Variants in POMGNT1 observed in about 807,000 individuals in gnomAD.
The protein encoded by POMGNT1 is protein O-linked mannose N-acetylglucosaminyltransferase 1 (beta 1,2-), also known as protein O-linked-mannose beta-1,2-N-acetylglucosaminyltransferase 1.
A neutral mutation model predicts 95.6 loss-of-function variants in POMGNT1; 67 were observed. The observed-to-expected ratio is 0.70, with a 90% confidence interval of 0.58 to 0.86. The LOEUF (loss-of-function observed/expected upper bound fraction) is 0.86, where lower values mean the gene tolerates loss of function less well. POMGNT1 is among the 40% of genes least tolerant of loss of function. The pLI is 0.00. For synonymous variants in POMGNT1, 298 were observed against 317.9 expected, an observed-to-expected ratio of 0.94 and a Z score of 0.66; for missense variants, 719 against 855.2, an observed-to-expected ratio of 0.84 and a Z score of 1.99.
chr1:46,200,441 C>T (rs1486550066), upstream of POMGNT1, among the ~76,000 whole-genome samples: 1 of 152,188 alleles, frequency 6.6e-6, no homozygotes, highest in Non-Finnish European at 1.5e-5. Context: ...TGTGGGTTCC[C>T]CTCCTCAGTG....
intron 1 of POMGNT1, among the ~76,000 whole-genome samples, chr1:46,217,972 A>G (rs1344133468): frequency 6.6e-6 from 1 of 152,230 alleles, no homozygotes; most frequent in Non-Finnish European, 1.5e-5. Flanking sequence ...ATTAGGAGGT[A>G]AATACCAAAA....
At chr1:46,201,697 C>CAAAAAAAAAAAAAAAAAAAAA (rs59930051), upstream of POMGNT1, among the ~76,000 whole-genome samples, 4 of 85,954 alleles carry the variant, frequency 4.7e-5, no homozygotes, top group Non-Finnish European at 7.0e-5. Context: ...GACTCCATCT[C>CAAAAAAAAAAAAAAAAAAAAA]AAAAAAAAAA....
chr1:46,196,910 T>G lies in POMGNT1; in HGVS notation c.235+60A>C. 2 of 1,614,188 alleles carry G rather than the reference T, an allele frequency of 1.2e-6. No individual in the cohort carries two copies. The highest frequency in any genetic ancestry group is 2.2e-5 in the East Asian group (1 of 44,884). On this transcript the variant is annotated intron_variant, in intron 3 of 21. Transcript: ENST00000371984. This position sits in a 1 kb window ranked among gnomAD's most constrained non-coding sequence, Gnocchi z 4.4. Reference sequence around the variant, plus strand: ...CAGCAGAGTCTCACCGCTTAGGGTCTGCCTGCCACTCCAGCTGTGAGATCC... The same window carrying G: ...CAGCAGAGTCTCACCGCTTAGGGTCGGCCTGCCACTCCAGCTGTGAGATCC...
chr1:46,192,967 G>T lies in POMGNT1; in HGVS notation c.1153-9C>A. The T allele has an allele frequency of 1.2e-6, 2 of 1,614,154 alleles. No homozygotes were observed. The highest frequency in any genetic ancestry group is 1.7e-6 in the Non-Finnish European group (2 of 1,180,024). On this transcript the variant is annotated splice_polypyrimidine_tract_variant and intron_variant, in intron 13 of 21. Coordinates refer to ENST00000371984, the MANE Select transcript of POMGNT1 (RefSeq NM_017739.4). Reference sequence around the variant, plus strand: ...ACAGCAAACTTGGCCTCCTAGAAGGGGAATGGGACATCATGGTCCCAAAGG... The same window carrying T: ...ACAGCAAACTTGGCCTCCTAGAAGGTGAATGGGACATCATGGTCCCAAAGG...
chr1:46,192,818 C>T, intron 14 of POMGNT1, 82 bp downstream of exon 14: 1 of 1,598,554 alleles, frequency 6.3e-7, no homozygotes, highest in Non-Finnish European at 8.6e-7. Context: ...CTCATGTCCT[C>T]CAGAAAGCTC....
intron 19 of POMGNT1, 32 bp from the exon 20 acceptor site, chr1:46,190,021 A>G: frequency 6.2e-7 from 1 of 1,612,260 alleles, no homozygotes; most frequent in African/African-American, 1.3e-5. Flanking sequence ...TATAGCCAAG[A>G]CAGGGCCCAC....
chr1:46,197,669 G>C, intron 2 of POMGNT1, 33 bp downstream of exon 2: 2 of 1,613,470 alleles, frequency 1.2e-6, no homozygotes, highest in Non-Finnish European at 1.7e-6. Context: ...GGGAGGGAGC[G>C]CTCGGTGGGG....
chr1:46,197,175 C>T, intron 2 of POMGNT1, 91 bp from the exon 3 acceptor site: 2 of 1,607,508 alleles, frequency 1.2e-6, no homozygotes, highest in Middle Eastern at 1.7e-4. Context: ...GCAGTGAAGA[C>T]ATCCAGAGAA....
chr1:46,213,419 G>A (rs77289453), intron 1 of POMGNT1, among the ~76,000 whole-genome samples: 5,480 of 148,498 alleles, frequency 0.037, 157 homozygotes, highest in African/African-American at 0.07. Flanking sequence ...ATATTTGCAC[G>A]GCAGTAAAAC....
In POMGNT1 at chr1:46,189,273, T is replaced by G. The variant is rs1457135444; in HGVS notation, c.1980A>C (p.Thr660=). The part of the protein sequence containing the change: ...EEGAPGAPEQ[T] ...CCGCAGGGTCCTGGAGGAGGTCTCATGTCTGTTCTGGGGCTCCTGGGGCTC... is the reference window on the plus strand; with the variant it reads ...CCGCAGGGTCCTGGAGGAGGTCTCAGGTCTGTTCTGGGGCTCCTGGGGCTC... The change falls in exon 22 of 22, where the codon ACA becomes ACC. Residue 660 remains threonine, a synonymous_variant. Coordinates refer to ENST00000371984, the MANE Select transcript of POMGNT1 (RefSeq NM_017739.4). The G allele has an allele frequency of 6.2e-7, 1 of 1,613,294 alleles. No homozygotes were observed. Among genetic ancestry groups the G allele is most frequent in the South Asian group, 1.1e-5 (1 of 91,024 alleles).
chr1:46,211,969 C>G (rs1202551540), intron 1 of POMGNT1, among the ~76,000 whole-genome samples: 2 of 152,024 alleles, frequency 1.3e-5, no homozygotes, highest in Non-Finnish European at 2.9e-5. Flanking sequence ...ACCATGTTGG[C>G]CAGGCTGGTC....
intron 1 of POMGNT1, among the ~76,000 whole-genome samples, chr1:46,209,129 A>G (rs1235924193): frequency 6.6e-6 from 1 of 152,078 alleles, no homozygotes; most frequent in Non-Finnish European, 1.5e-5. Context: ...GATTCAAGCA[A>G]TTCTCCTGCC....
intron 1 of POMGNT1, among the ~76,000 whole-genome samples, chr1:46,210,337 A>G (rs1658855081): frequency 6.6e-6 from 1 of 152,064 alleles, no homozygotes; most frequent in South Asian, 2.1e-4. Context: ...AAGACCCCAA[A>G]ATATATGAGG....
At chr1:46,201,848 G>T (rs550776645), upstream of POMGNT1, among the ~76,000 whole-genome samples, 1 of 151,544 alleles carries the variant, frequency 6.6e-6, no homozygotes, top group African/African-American at 2.4e-5. Flanking sequence ...AAATTGAGAA[G>T]TAGTGTGGCT....
chr1:46,202,594 C>A (rs1243230173), upstream of POMGNT1, among the ~76,000 whole-genome samples: 1 of 147,764 alleles, frequency 6.8e-6, no homozygotes, highest in Non-Finnish European at 1.5e-5. Flanking sequence ...ACTCAGGAGG[C>A]AGAGGCAGGA....
intron 1 of POMGNT1, 138 bp downstream of exon 1, chr1:46,198,198 T>G: frequency 4.2e-6 from 1 of 238,880 alleles, no homozygotes; most frequent in Non-Finnish European, 8.4e-6. Flanking sequence ...CGACCTCTCC[T>G]GCCCCAGTCT....
At chr1:46,199,104 G>C (rs966144593), upstream of POMGNT1, among the ~76,000 whole-genome samples, 3 of 152,110 alleles carry the variant, frequency 2.0e-5, no homozygotes, top group African/African-American at 7.2e-5. Context: ...ACCACACCCA[G>C]CTAATTTTTA....
chr1:46,192,940 C>G lies in POMGNT1; in HGVS notation c.1171G>C (p.Val391Leu). 6.2e-7 allele frequency: 1 copy of G among 1,614,244 alleles called. No individual in the cohort carries two copies. The highest frequency in any genetic ancestry group is 8.5e-7 in the Non-Finnish European group (1 of 1,180,040). ...GCAATGTCCAGGTCCTCTTCCAGAA[C>G]CACAGCAAACTTGGCCTCCTAGAAG... ...NLFPEAKFAV[V>L]LEEDLDIAVD... The change falls in exon 14 of 22, where the codon GTT becomes CTT. Residue 391 changes from valine (V) to leucine (L), a missense_variant. Val to Leu is a conservative substitution (Grantham distance 32). Transcript: ENST00000371984.
At position 46,188,888 on chromosome 1, in the gene POMGNT1, T is replaced by G. The variant is rs1657520597; in HGVS notation, c.*382A>C. 1.9e-6 allele frequency: 3 copies of G among 1,612,818 alleles called. No individual in the cohort carries two copies. Among genetic ancestry groups the G allele is most frequent in the Non-Finnish European group, 2.5e-6 (3 of 1,179,866 alleles). On this transcript the variant is annotated 3_prime_UTR_variant, in exon 22 of 22. Coordinates refer to ENST00000371984, the MANE Select transcript of POMGNT1 (RefSeq NM_017739.4). ...AGCCAGCCCCACCCTCAGGGCAGCA[T>G]TCCAGCCCAAAAAGAAATCCAGGCC...
Sources: gnomAD v4.1 joint callset for allele counts (sites outside exome capture counted in the v4.1 genomes callset) on GRCh38, gnomAD v4.1.1 for gene constraint, Gnocchi (gnomAD v3.1) non-coding constraint, MANE v1.5 for transcripts, NCBI Gene and HGNC (gene_info 2026-07-23, HGNC 2026-07-21) for gene names.